Variants in MSRA observed in about 807,000 individuals in gnomAD.
The protein encoded by MSRA is mitochondrial peptide methionine sulfoxide reductase.
A neutral mutation model predicts 31.3 loss-of-function variants in MSRA; 54 were observed. That is an observed-to-expected ratio of 1.73 (90% confidence interval 1.39 to 2.17). The LOEUF (loss-of-function observed/expected upper bound fraction) is 2.17. Among genes scored for constraint, MSRA ranks in the 30% most tolerant of loss-of-function variants. The pLI is 0.00. For missense variants in MSRA, 507 were observed against 300.9 expected (o/e 1.69, Z -5.07); for synonymous variants, 169 against 116.5 (o/e 1.45, Z -2.90).
At chr8:10,226,947 C>T (rs898938029) in intron 2 of MSRA, among the ~76,000 whole-genome samples, 2 of 152,152 alleles carry the variant, frequency 1.3e-5, no homozygotes, top group African/African-American at 4.8e-5. Flanking sequence ...CACTTGCCTT[C>T]CAGCAGCTGG....
At chr8:10,255,299 G>C (rs952892058) in intron 3 of MSRA, among the ~76,000 whole-genome samples, 2 of 152,234 alleles carry the variant, frequency 1.3e-5, no homozygotes, top group African/African-American at 2.4e-5. Context: ...TGTGCAGAGG[G>C]AAGGGGCCTT....
chr8:10,150,654 T>C (rs1361724598), intron 1 of MSRA, among the ~76,000 whole-genome samples: 1 of 152,044 alleles, frequency 6.6e-6, no homozygotes, highest in African/African-American at 2.4e-5. Context: ...TTGACAGATA[T>C]CTGTGGGTTT....
At chr8:10,064,337 G>C (rs1797352568) in intron 1 of MSRA, among the ~76,000 whole-genome samples, 1 of 152,122 alleles carries the variant, frequency 6.6e-6, no homozygotes, top group Non-Finnish European at 1.5e-5. Context: ...TCTTATGAAA[G>C]GGGACATAGG....
chr8:10,112,108 C>T (rs1298466858), intron 1 of MSRA, among the ~76,000 whole-genome samples: 2 of 151,810 alleles, frequency 1.3e-5, no homozygotes, highest in African/African-American at 4.8e-5. Context: ...TTTGTAGTCA[C>T]CTCTGACACC....
intron 3 of MSRA, among the ~76,000 whole-genome samples, chr8:10,295,018 C>T (rs531765468): frequency 1.2e-4 from 18 of 152,254 alleles, no homozygotes; most frequent in African/African-American, 4.1e-4. Context: ...ACAAGTCCAG[C>T]TTGGCGATAG....
At chr8:10,415,707 G>T (rs1414764175) in intron 5 of MSRA, among the ~76,000 whole-genome samples, 1 of 151,676 alleles carries the variant, frequency 6.6e-6, no homozygotes, top group Non-Finnish European at 1.5e-5. Context: ...TGCCCTCCCT[G>T]CACTCTCCTC....
intron 1 of MSRA, among the ~76,000 whole-genome samples, chr8:10,152,339 AG>A (rs1803762504): frequency 1.3e-5 from 2 of 152,240 alleles, no homozygotes; most frequent in South Asian, 4.1e-4. Flanking sequence ...CTACTAGAGA[AG>A]GAGTTTGTTT....
chr8:10,350,509 T>C (rs1421736617), intron 5 of MSRA, among the ~76,000 whole-genome samples: 1 of 152,218 alleles, frequency 6.6e-6, no homozygotes, highest in African/African-American at 2.4e-5. Flanking sequence ...GTGAATCTAC[T>C]ATTAAGATGG....
chr8:10,177,461 T>C (rs1356724015), intron 1 of MSRA, among the ~76,000 whole-genome samples: 1 of 152,246 alleles, frequency 6.6e-6, no homozygotes, highest in Non-Finnish European at 1.5e-5. Context: ...TGATACATTT[T>C]CTTTGAGTTC....
chr8:10,119,139 G>A (rs941155246), intron 1 of MSRA, among the ~76,000 whole-genome samples: 2 of 152,194 alleles, frequency 1.3e-5, no homozygotes, highest in African/African-American at 4.8e-5. Flanking sequence ...ATAGTTCATA[G>A]CTTGTGTCTA....
intron 2 of MSRA, among the ~76,000 whole-genome samples, chr8:10,235,671 C>T (rs147992904): frequency 1.3e-5 from 2 of 152,130 alleles, no homozygotes; most frequent in East Asian, 3.9e-4. Flanking sequence ...ACAAAGCATC[C>T]CCTAATGATT....
Position 10,074,054 on chromosome 8 carries a change from G to C in MSRA, c.142+19396G>C, listed in dbSNP as rs558052921. ...GTTCCATTTTGTTTTGTCTAAGGGA[G>C]GTGCTTTTTTTTTTTTTTTTTTTTT... On this transcript the variant is annotated intron_variant, in intron 1 of 5. Transcript: ENST00000317173. Among the ~76,000 whole-genome samples the C allele has an allele frequency of 1.4e-4, 11 of 78,394 alleles. 2 individuals carry two copies. In the South Asian group the frequency reaches 5.3e-3, roughly 38 times the overall value. The allele number at this position is 78,394 out of a possible 152,430, so 51.4% of individuals were successfully genotyped here. A position where few individuals can be genotyped will look rare whatever the true frequency, so the allele number is the denominator to read the frequency against.
chr8:10,332,387 G>A (rs1034416716), intron 5 of MSRA, among the ~76,000 whole-genome samples: 2 of 151,452 alleles, frequency 1.3e-5, no homozygotes, highest in Non-Finnish European at 2.9e-5. Context: ...ATGAAGTTAT[G>A]ATTTAAAATG....
At chr8:10,310,647 G>A (rs1801385019) in intron 4 of MSRA, among the ~76,000 whole-genome samples, 1 of 152,194 alleles carries the variant, frequency 6.6e-6, no homozygotes, top group South Asian at 2.1e-4. Flanking sequence ...ATGAACCTTA[G>A]ACCCATTTTG....
chr8:10,108,952 T>C (rs1800088817), intron 1 of MSRA, among the ~76,000 whole-genome samples: 1 of 152,230 alleles, frequency 6.6e-6, no homozygotes, highest in Non-Finnish European at 1.5e-5. Context: ...TATTTATAAC[T>C]GGCCTCTGAT....
chr8:10,127,770 T>C (rs1275270106), intron 1 of MSRA, among the ~76,000 whole-genome samples: 1 of 152,244 alleles, frequency 6.6e-6, no homozygotes, highest in East Asian at 1.9e-4. Flanking sequence ...AATTTTAAAA[T>C]GCCAGAGTTT....
chr8:10,337,951 G>C, intron 5 of MSRA: 1 of 623,754 alleles, frequency 1.6e-6, no homozygotes, highest in Non-Finnish European at 2.9e-6. Context: ...GAAGTAGGGA[G>C]GTAAACTGGG....
intron 5 of MSRA, among the ~76,000 whole-genome samples, chr8:10,341,466 A>G (rs767285246): frequency 3.3e-5 from 5 of 152,178 alleles, no homozygotes; most frequent in Non-Finnish European, 4.4e-5. Context: ...TGCCTTCATG[A>G]TCCAAACACC....
intron 5 of MSRA, among the ~76,000 whole-genome samples, chr8:10,375,438 G>A (rs541962095): frequency 6.6e-6 from 1 of 152,204 alleles, no homozygotes; most frequent in Admixed American, 6.5e-5. Flanking sequence ...ATATGCTTAC[G>A]CTTCTATCTT....
Sources: gnomAD v4.1 joint callset for allele counts (sites outside exome capture counted in the v4.1 genomes callset) on GRCh38, gnomAD v4.1.1 for gene constraint, MANE v1.5 for transcripts, NCBI Gene and HGNC (gene_info 2026-07-23, HGNC 2026-07-21) for gene names.